ANO1: variants seen among roughly 807,000 people sequenced by gnomAD.
ANO1 encodes the protein anoctamin 1.
A neutral mutation model predicts 124.0 loss-of-function variants in ANO1; 59 were observed. The ratio of observed to expected loss-of-function variants is 0.48; its 90% CI spans 0.39 to 0.59. The LOEUF (loss-of-function observed/expected upper bound fraction) is 0.59. ANO1 is among the 20% of genes least tolerant of loss of function. The pLI is 0.00. For missense variants in ANO1, 1,059 were observed against 1,328.0 expected (o/e 0.80, Z 3.15); for synonymous variants, 529 against 532.0 (o/e 0.99, Z 0.08).
intron 2 of ANO1, among the ~76,000 whole-genome samples, chr11:70,095,426 GAAAA>G (rs2044902856): frequency 2.1e-5 from 1 of 47,462 alleles, no homozygotes; most frequent in Non-Finnish European, 5.1e-5. Context: ...AAGAAAGAAA[GAAAA>G]GAAAAGAAAG....
rs769011474 is a variant in ANO1 at position 70,182,649 on chromosome 11, G to T, written c.2551G>T (p.Asp851Tyr). ...SDFQNGTAPN[D>Y]PLDLGYEVQI... ...CTTCCAGAACGGCACGGCCCCCAAT[G>T]ACCCCCTGGACCTGGGCTACGAGGT... Residue 851 changes from aspartate (D) to tyrosine (Y), a missense_variant, in exon 24 of 26, where the codon GAC becomes TAC. Physicochemically the swap from Asp to Tyr is radical, Grantham distance 160. Coordinates refer to ENST00000355303, the MANE Select transcript of ANO1 (RefSeq NM_018043.7). The T allele has an allele frequency of 2.5e-6, 4 of 1,609,390 alleles. No homozygotes were observed. Among genetic ancestry groups the T allele is most frequent in the Non-Finnish European group, 3.4e-6 (4 of 1,177,722 alleles).
intron 1 of ANO1, among the ~76,000 whole-genome samples, chr11:70,002,259 T>C (rs1453202535): frequency 6.6e-6 from 1 of 151,798 alleles, no homozygotes; most frequent in African/African-American, 2.4e-5. Flanking sequence ...ACCTGCCCAA[T>C]ATGGGACCAG....
intron 1 of ANO1, among the ~76,000 whole-genome samples, chr11:70,040,125 G>A (rs1422044348): frequency 1.3e-5 from 2 of 152,240 alleles, no homozygotes; most frequent in South Asian, 2.1e-4. Flanking sequence ...TGCCAGCCAA[G>A]ATAATCTGGC....
At chr11:70,117,924 G>A (rs2046054878) in intron 8 of ANO1, among the ~76,000 whole-genome samples, 1 of 152,102 alleles carries the variant, frequency 6.6e-6, no homozygotes, top group African/African-American at 2.4e-5. Flanking sequence ...TACATATTTG[G>A]TTATTTTTAG....
At chr11:70,063,402 G>A (rs546529532) in intron 1 of ANO1, among the ~76,000 whole-genome samples, 4 of 152,174 alleles carry the variant, frequency 2.6e-5, no homozygotes, top group African/African-American at 4.8e-5. Context: ...GTGACCCTTC[G>A]GCAAGAGCAT....
chr11:70,017,404 G>A (rs530343765), intron 1 of ANO1, among the ~76,000 whole-genome samples: 2 of 152,136 alleles, frequency 1.3e-5, no homozygotes, highest in East Asian at 3.9e-4. Flanking sequence ...AGGAGTTCAA[G>A]ACCAGCCTGG....
intron 1 of ANO1, among the ~76,000 whole-genome samples, chr11:70,087,378 A>G (rs986779718): frequency 6.6e-6 from 1 of 152,016 alleles, no homozygotes; most frequent in Admixed American, 6.6e-5. Context: ...ATTCTTTCTC[A>G]TTATTTTTTG....
Position 70,149,691 on chromosome 11 carries a change from G to A in ANO1, c.1259-19G>A. 2.5e-6 allele frequency: 4 copies of A among 1,610,782 alleles called. No homozygotes were observed. The highest frequency in any genetic ancestry group is 2.5e-6 in the Non-Finnish European group (3 of 1,178,786). Reference sequence around the variant, plus strand: ...TGCCTTTATGTCATCAGAGACTCTGGTTTTGCCCCTGCCCGCAGCTGCCAC... The same window carrying A: ...TGCCTTTATGTCATCAGAGACTCTGATTTTGCCCCTGCCCGCAGCTGCCAC... On this transcript the variant is annotated intron_variant, in intron 11 of 25. Coordinates refer to ENST00000355303, the MANE Select transcript of ANO1 (RefSeq NM_018043.7).
In ANO1 at chr11:70,184,571, G is replaced by A. The variant is rs141853847; in HGVS notation, c.2589-1019G>A. 2.1e-3 allele frequency among the ~76,000 whole-genome samples: 316 copies of A among 152,334 alleles called. 2 individuals carry two copies. The highest frequency in any genetic ancestry group is 7.4e-3 in the African/African-American group (307 of 41,578). ...GTGAGGACCAAGCAGCAACCCTGGA[G>A]GAGGAAAAGCAGCCCCAGACCCGGG... On this transcript the variant is annotated intron_variant, in intron 24 of 25. Transcript: ENST00000355303.
At chr11:70,002,659 T>C (rs1856408141) in intron 1 of ANO1, among the ~76,000 whole-genome samples, 1 of 152,124 alleles carries the variant, frequency 6.6e-6, no homozygotes. Context: ...TAATGACACA[T>C]TTCTCAGAGT....
chr11:70,180,956 C>T (rs111586547), intron 23 of ANO1, among the ~76,000 whole-genome samples: 23 of 152,282 alleles, frequency 1.5e-4, no homozygotes, highest in African/African-American at 5.1e-4. Context: ...TCCAGCCTCT[C>T]CTATCCCCAG....
chr11:70,015,475 A>G (rs1856688060), intron 1 of ANO1, among the ~76,000 whole-genome samples: 1 of 152,128 alleles, frequency 6.6e-6, no homozygotes, highest in East Asian at 1.9e-4. Context: ...ACTGACCCGG[A>G]GGCAGCCCAG....
At chr11:70,093,554 C>G (rs573028980) in intron 2 of ANO1, among the ~76,000 whole-genome samples, 1 of 152,356 alleles carries the variant, frequency 6.6e-6, no homozygotes, top group South Asian at 2.1e-4. Context: ...CTGAGGCCCA[C>G]ACTGCCCTGA....
rs188459099 is a variant in ANO1 at position 70,028,054 on chromosome 11, A to G, written c.58+41888A>G. On this transcript the variant is annotated intron_variant, in intron 1 of 27. Coordinates refer to the ANO1 transcript ENST00000531349. ...TGATCTTAGAAAATCGATTTCAATA[A>G]AAGTTAAGGTACTACTGATTTCCCT... Among the ~76,000 whole-genome samples, 106 of 152,300 alleles carry G rather than the reference A, an allele frequency of 7.0e-4. 1 individual carries two copies. In the East Asian group the frequency reaches 0.019, roughly 28 times the overall value.
intron 1 of ANO1, among the ~76,000 whole-genome samples, chr11:69,989,580 G>A (rs1554997224): frequency 6.6e-6 from 1 of 152,102 alleles, no homozygotes; most frequent in East Asian, 1.9e-4. Context: ...GGAACCATGG[G>A]AGCTAAATAA....
chr11:70,155,762 A>G, intron 14 of ANO1, 149 bp from the exon 15 acceptor site: 1 of 634,946 alleles, frequency 1.6e-6, no homozygotes, highest in East Asian at 3.3e-5. Flanking sequence ...AACGCCCAGA[A>G]CCCGAGTCAG....
chr11:70,042,314 T>C (rs979695644), intron 1 of ANO1, among the ~76,000 whole-genome samples: 1 of 152,102 alleles, frequency 6.6e-6, no homozygotes, highest in African/African-American at 2.4e-5. Flanking sequence ...TTGTCCAATC[T>C]TCCTTCCTAG....
At position 70,045,040 on chromosome 11, in the gene ANO1, T is replaced by C. The variant is rs553774685; in HGVS notation, c.59-33502T>C. Among the ~76,000 whole-genome samples the C allele has an allele frequency of 8.3e-4, 126 of 152,216 alleles. 1 individual carries two copies. Among genetic ancestry groups the C allele is most frequent in the Non-Finnish European group, 1.5e-3 (103 of 68,008 alleles). On this transcript the variant is annotated intron_variant, in intron 1 of 27. Transcript: ENST00000531349. ...TTTTAGGGGAAAATGCATAGATATA[T>C]ACAAATATAAAGATAGAACTAGAAA...
At chr11:70,133,408 C>T (rs2046836590) in intron 11 of ANO1, among the ~76,000 whole-genome samples, 1 of 152,168 alleles carries the variant, frequency 6.6e-6, no homozygotes, top group African/African-American at 2.4e-5. Flanking sequence ...CACCTCCTGA[C>T]CAAGGAGCAG....
Sources: gnomAD v4.1 joint callset for allele counts (sites outside exome capture counted in the v4.1 genomes callset) on GRCh38, gnomAD v4.1.1 for gene constraint, MANE v1.5 for transcripts, NCBI Gene and HGNC (gene_info 2026-07-23, HGNC 2026-07-21) for gene names.